Variants in MAP3K15 observed in about 807,000 individuals in gnomAD.
MAP3K15 encodes the protein mitogen-activated protein kinase kinase kinase 15.
A neutral mutation model predicts 99.5 loss-of-function variants in MAP3K15; 124 were observed. The observed-to-expected ratio is 1.25, with a 90% confidence interval of 1.08 to 1.45. The LOEUF is 1.45. Ranked by LOEUF, MAP3K15 falls within the 40% of genes most tolerant of loss-of-function variation. The pLI is 0.00. For synonymous variants in MAP3K15, 494 were observed against 439.6 expected (o/e 1.12, Z -1.55); for missense variants, 1,242 against 1,079.7 (o/e 1.15, Z -2.11).
intron 14 of MAP3K15, among the ~76,000 whole-genome samples, chrX:19,399,751 A>C (rs1319105757): frequency 9.4e-6 from 1 of 106,103 alleles, no homozygotes; most frequent in African/African-American, 3.4e-5. Context: ...AAAAAAAAAA[A>C]AAAAAAAAAA....
intron 15 of MAP3K15, among the ~76,000 whole-genome samples, chrX:19,396,663 G>A (rs962009917): frequency 9.0e-6 from 1 of 111,468 alleles, no homozygotes; most frequent in African/African-American, 3.3e-5. Flanking sequence ...ATGAATGAAG[G>A]GTCTTACAGC....
In MAP3K15 at chrX:19,415,019, CTTCAG is replaced by C. The variant is rs773852889; in HGVS notation, c.1590+83_1590+87del. 4.9e-5 allele frequency: 40 copies of C among 812,876 alleles called. No individual in the cohort carries two copies. The South Asian group carries it at 9.4e-4, about 19-fold the overall frequency. The allele number at this position is 812,876 out of a possible 1,213,427, so 67.0% of individuals were successfully genotyped here. On this transcript the variant is annotated intron_variant, in intron 10 of 28. Transcript: ENST00000338883. ...ACATTTAAAATTACTCTACAGTTTT[CTTCAG>C]TTCAGAGTATTCAATAGTTAAATAG...
intron 15 of MAP3K15, among the ~76,000 whole-genome samples, chrX:19,395,937 A>C (rs12115986): frequency 0.019 from 2,183 of 112,143 alleles, 66 homozygotes; most frequent in African/African-American, 0.067. Flanking sequence ...TTTGTGTTTT[A>C]ACAGCTCTGT....
chrX:19,370,114 G>C (rs775997178), intron 24 of MAP3K15, among the ~76,000 whole-genome samples: 2 of 111,705 alleles, frequency 1.8e-5, no homozygotes, highest in Non-Finnish European at 3.8e-5. Flanking sequence ...CTGAAGGAAA[G>C]GGGGAAACCA....
chrX:19,393,084 T>C (rs1168563799), intron 16 of MAP3K15, among the ~76,000 whole-genome samples: 1 of 110,759 alleles, frequency 9.0e-6, no homozygotes, highest in East Asian at 2.9e-4. Flanking sequence ...ACTGAACATT[T>C]GGGCCAAAAG....
rs190392960 is a variant in MAP3K15, at chrX:19,439,555, C to T, written c.996-7947G>A. Among the ~76,000 whole-genome samples, 33 of 111,631 alleles carry T rather than the reference C, an allele frequency of 3.0e-4. No individual in the cohort carries two copies. In the East Asian group the frequency reaches 7.0e-3, roughly 24 times the overall value. ...GTCATAGCTCAACCACAGCCTTCAA[C>T]TCCCAGCCTCAAGCAATCCTCCCAT... On this transcript the variant is annotated intron_variant, in intron 6 of 28. Transcript: ENST00000338883.
chrX:19,421,147 G>A (rs5955556), intron 9 of MAP3K15, among the ~76,000 whole-genome samples: 11,647 of 109,532 alleles, frequency 0.11, 851 homozygotes, highest in African/African-American at 0.24. Flanking sequence ...CTCTCTCACC[G>A]CTCCTATTCA....
Position 19,407,226 on chromosome X carries a change from G to A in MAP3K15, c.1806C>T (p.Asp602=). ...CTTCGGTGGAAAAGTAGATTTGAAA[G>A]TCATCAGAATTATCATGGACATAAA... is the stretch of plus-strand genomic sequence containing the variant. The part of the protein sequence containing the change: ...CFLYVHDNSD[D]FQIYFSTEEQ... Residue 602 remains aspartate (D), a synonymous_variant, in exon 13 of 29, where the codon GAC becomes GAT. Coordinates refer to ENST00000338883, the MANE Select transcript of MAP3K15 (RefSeq NM_001001671.4). 1 of 1,198,732 alleles carries A rather than the reference G, an allele frequency of 8.3e-7. No homozygotes were observed. The highest frequency in any genetic ancestry group is 1.1e-6 in the Non-Finnish European group (1 of 889,479).
chrX:19,460,265 G>A (rs1335088587), intron 4 of MAP3K15, 112 bp from the exon 5 acceptor site: 3 of 448,834 alleles, frequency 6.7e-6, no homozygotes, highest in Admixed American at 5.2e-5. Flanking sequence ...TAGGGACCTC[G>A]GCCCAGACCT....
chrX:19,483,845 T>C lies in MAP3K15; in HGVS notation c.525+2637A>G, dbSNP rs1048673508. Among the ~76,000 whole-genome samples, 4 of 112,051 alleles carry C rather than the reference T, an allele frequency of 3.6e-5. No individual in the cohort carries two copies. The Admixed American group carries it at 3.8e-4, about 11-fold the overall frequency. ...CTGTTTACCCTACTTCCATCCCATC[T>C]GGAGTGGAAAAAGTAAACGTCTCTT... On this transcript the variant is annotated intron_variant, in intron 3 of 28. Transcript: ENST00000338883.
rs60578003 is a variant in MAP3K15, at chrX:19,481,115, C to CAAAAAAAAAAAA, written c.525+5355_525+5366dup. 1.5e-3 allele frequency among the ~76,000 whole-genome samples: 85 copies of CAAAAAAAAAAAA among 55,226 alleles called. 1 individual carries two copies. Among genetic ancestry groups the CAAAAAAAAAAAA allele is most frequent in the African/African-American group, 2.4e-3 (24 of 9,958 alleles). 48.0% of individuals were successfully genotyped at this position (55,226 alleles called of 115,157 possible). Reference sequence around the variant, plus strand: ...TGGGTGACAGAGCGAGAACTTGTCTCAAAAAAAAAAAAAAAAAAAAGTTTT... The same window carrying CAAAAAAAAAAAA: ...TGGGTGACAGAGCGAGAACTTGTCTCAAAAAAAAAAAAAAAAAAAAAAAAAAAAAAAAGTTTT... On this transcript the variant is annotated intron_variant, in intron 3 of 28. Coordinates refer to ENST00000338883, the MANE Select transcript of MAP3K15 (RefSeq NM_001001671.4).
intron 3 of MAP3K15, among the ~76,000 whole-genome samples, chrX:19,465,847 G>GTGTA (rs2064165168): frequency 9.2e-6 from 1 of 109,142 alleles, no homozygotes; most frequent in Non-Finnish European, 1.9e-5. Context: ...GTGTGTGTGT[G>GTGTA]TGTGTGTGTG....
rs140325112 is a variant in MAP3K15 at position 19,471,328 on chromosome X, G to A, written c.526-6922C>T. Among the ~76,000 whole-genome samples the A allele has an allele frequency of 7.9e-3, 866 of 109,579 alleles. 11 individuals carry two copies. The highest frequency in any genetic ancestry group is 0.025 in the African/African-American group (749 of 30,130). On this transcript the variant is annotated intron_variant, in intron 3 of 28. Coordinates refer to ENST00000338883, the MANE Select transcript of MAP3K15 (RefSeq NM_001001671.4). ...TGCCCAGGTTGGAGTGCAATGGCAC[G>A]ATCTTGGATCACCACAACCTCCGTC...
At chrX:19,420,066 A>G (rs2063770132) in intron 9 of MAP3K15, among the ~76,000 whole-genome samples, 1 of 112,161 alleles carries the variant, frequency 8.9e-6, no homozygotes, top group Admixed American at 9.5e-5. Flanking sequence ...TTATAGCACT[A>G]AATGCCCACA....
intron 18 of MAP3K15, among the ~76,000 whole-genome samples, chrX:19,384,749 G>GAAAAA (rs34619145): frequency 9.8e-4 from 22 of 22,546 alleles, no homozygotes; most frequent in African/African-American, 3.6e-3. Context: ...TGTCTCAGGG[G>GAAAAA]AAAAAAAAAA....
chrX:19,370,990 C>A lies in MAP3K15; in HGVS notation c.3369G>T (p.Ala1123=). ...MFAMDNIIRR[A]VQAAVTILIP... ...TGAGAATGGTGACCGCGGCCTGCAC[C>A]GCTCGGCGGATGATGTTGTCCATCG... Residue 1123 remains alanine (A), a synonymous_variant, in exon 24 of 29, where the codon GCG becomes GCT. Transcript: ENST00000338883. 1 of 1,175,754 alleles carries A rather than the reference C, an allele frequency of 8.5e-7. No homozygotes were observed. The highest frequency in any genetic ancestry group is 1.1e-6 in the Non-Finnish European group (1 of 883,610).
intron 18 of MAP3K15, among the ~76,000 whole-genome samples, chrX:19,386,787 G>A (rs1037555081): frequency 2.7e-5 from 3 of 111,274 alleles, no homozygotes; most frequent in Non-Finnish European, 5.7e-5. Flanking sequence ...CTGATCAAGG[G>A]GCTGAGAGAG....
intron 24 of MAP3K15, among the ~76,000 whole-genome samples, chrX:19,370,524 T>C (rs1453648840): frequency 9.0e-6 from 1 of 110,950 alleles, no homozygotes; most frequent in Non-Finnish European, 1.9e-5. Context: ...GCCTCCCGAG[T>C]AGCTGGGATT....
Position 19,515,116 on chromosome X carries a change from CCGCTG to C in MAP3K15, c.141_145del (p.Ser48ArgfsTer20). The stretch of plus-strand genomic sequence containing the variant: ...CGGCCCGCCCCCACTCTCGCCCTCG[CCGCTG>C]CCGCCTGCCGCGCCCTCCGCCGCCC... On this transcript the variant is annotated frameshift_variant, in exon 1 of 29. Transcript: ENST00000338883. LOFTEE classifies it high-confidence loss of function. 1 of 819,716 alleles carries C rather than the reference CCGCTG, an allele frequency of 1.2e-6. No homozygotes were observed. The allele number at this position is 819,716 out of a possible 1,213,427, so 67.6% of individuals were successfully genotyped here.
Sources: gnomAD v4.1 joint callset for allele counts (sites outside exome capture counted in the v4.1 genomes callset) on GRCh38, gnomAD v4.1.1 for gene constraint, MANE v1.5 for transcripts, NCBI Gene and HGNC (gene_info 2026-07-23, HGNC 2026-07-21) for gene names.